Variants in PRKAR1A observed in about 807,000 individuals in gnomAD.
PRKAR1A encodes protein kinase cAMP-dependent type I regulatory subunit alpha.
Under a neutral mutation model 52.0 loss-of-function variants are expected in PRKAR1A, and 3 were observed. The ratio of observed to expected loss-of-function variants is 0.06; its 90% CI spans 0.03 to 0.15. PRKAR1A has a LOEUF of 0.15. Among genes scored for constraint, PRKAR1A ranks in the 10% least tolerant of loss-of-function variants. The pLI is 1.00. For missense variants in PRKAR1A, 240 were observed against 477.4 expected (o/e 0.50, Z 4.63); for synonymous variants, 188 against 168.4 (o/e 1.12, Z -0.90).
chr17:68,539,777 G>A (rs930223137), intron 11 of PRKAR1A: 2 of 984,496 alleles, frequency 2.0e-6, no homozygotes, highest in Non-Finnish European at 3.2e-6. Flanking sequence ...CAAGGCACGT[G>A]GTGGTGGAGG....
chr17:68,438,742 A>G, the PRKAR1A span, among the ~76,000 whole-genome samples: 2 of 152,214 alleles, frequency 1.3e-5, no homozygotes, highest in Non-Finnish European at 2.9e-5. Flanking sequence ...CTGGGATTAC[A>G]GGCGTGTGCC....
the PRKAR1A span, among the ~76,000 whole-genome samples, chr17:68,494,398 C>A: frequency 1.3e-5 from 2 of 152,064 alleles, no homozygotes; most frequent in African/African-American, 4.8e-5. Flanking sequence ...AAAAATTAGC[C>A]AGGCATGGTG....
At chr17:68,503,542 A>T in the PRKAR1A span, among the ~76,000 whole-genome samples, 16 of 150,948 alleles carry the variant, frequency 1.1e-4, no homozygotes, top group East Asian at 1.5e-3. Context: ...CAAAAAGACA[A>T]GGAGGAATCT....
the PRKAR1A span, among the ~76,000 whole-genome samples, chr17:68,451,841 T>G: frequency 2.7e-4 from 41 of 152,246 alleles, no homozygotes; most frequent in Non-Finnish European, 5.4e-4. Flanking sequence ...ATGACCCTCC[T>G]GAGCACAAAG....
the PRKAR1A span, among the ~76,000 whole-genome samples, chr17:68,439,440 A>C: frequency 6.6e-6 from 1 of 152,166 alleles, no homozygotes; most frequent in Non-Finnish European, 1.5e-5. Context: ...TCCATAATCT[A>C]ATAGAGACAG....
the PRKAR1A span, among the ~76,000 whole-genome samples, chr17:68,476,939 C>T: frequency 2.6e-5 from 4 of 151,948 alleles, no homozygotes; most frequent in Non-Finnish European, 4.4e-5. Flanking sequence ...GGATTACAGG[C>T]GTGAGCCACC....
chr17:68,480,159 TTTAAATCCTAGGG>T, the PRKAR1A span, among the ~76,000 whole-genome samples: 1 of 152,262 alleles, frequency 6.6e-6, no homozygotes, highest in South Asian at 2.1e-4. Flanking sequence ...TAGCAGTTCT[TTTAAATCCTAGGG>T]TTTTCCCCTT....
At chr17:68,521,632 A>G (rs2143253570) in intron 2 of PRKAR1A, among the ~76,000 whole-genome samples, 1 of 152,384 alleles carries the variant, frequency 6.6e-6, no homozygotes, top group South Asian at 2.1e-4. Flanking sequence ...CAGAATTAAC[A>G]TGAAATGAGT....
the PRKAR1A span, among the ~76,000 whole-genome samples, chr17:68,465,165 C>CTCGT: frequency 2.6e-5 from 4 of 152,006 alleles, no homozygotes; most frequent in Non-Finnish European, 4.4e-5. Context: ...ATCACCTGAC[C>CTCGT]TCGTGATCTG....
At chr17:68,505,246 A>G in the PRKAR1A span, among the ~76,000 whole-genome samples, 111,620 of 152,102 alleles carry the variant, frequency 0.73, 41,292 homozygotes, top group East Asian at 0.94. Flanking sequence ...AGCTAAGATC[A>G]TGCCACTGCA....
At chr17:68,426,253 G>A in the PRKAR1A span, 4 of 841,016 alleles carry the variant, frequency 4.8e-6, 1 homozygote, top group East Asian at 6.8e-5. Flanking sequence ...GGGGAGCGGG[G>A]GCTCAAATAA....
chr17:68,529,181 G>C (rs1043702604), intron 9 of PRKAR1A, among the ~76,000 whole-genome samples, 190 bp downstream of exon 9: 1 of 152,002 alleles, frequency 6.6e-6, no homozygotes, highest in Admixed American at 6.6e-5. Flanking sequence ...TTGGTTTTCT[G>C]CCAGGTCACT....
chr17:68,419,859 G>C, the PRKAR1A span, among the ~76,000 whole-genome samples: 1 of 151,820 alleles, frequency 6.6e-6, no homozygotes, highest in African/African-American at 2.4e-5. Flanking sequence ...TTGGGAGGCT[G>C]AAGTGGGAGG....
chr17:68,533,992 T>C (rs533604846), downstream of PRKAR1A, among the ~76,000 whole-genome samples: 1 of 152,354 alleles, frequency 6.6e-6, no homozygotes, highest in South Asian at 2.1e-4. Flanking sequence ...CCCAAAGTGC[T>C]AGCATTACAG....
intron 11 of PRKAR1A, among the ~76,000 whole-genome samples, chr17:68,546,168 CAAAAAAAAAAAA>C (rs750780505): frequency 4.0e-5 from 4 of 98,914 alleles, no homozygotes; most frequent in Non-Finnish European, 5.8e-5. Flanking sequence ...GACTCCATCT[CAAAAAAAAAAAA>C]AAAAAAAAAA....
chr17:68,524,261 G>T lies in PRKAR1A; in HGVS notation c.502+184G>T, dbSNP rs2085712827. 9.9e-6 allele frequency: 6 copies of T among 605,212 alleles called. No homozygotes were observed. In the South Asian group the frequency reaches 1.3e-4, roughly 13 times the overall value. The allele number at this position is 605,212 out of a possible 1,614,324, so 37.5% of individuals were successfully genotyped here. A position where few individuals can be genotyped will look rare whatever the true frequency, so the allele number is the denominator to read the frequency against. The stretch of plus-strand genomic sequence containing the variant: ...TTTTCTGAGATGGACAGAACACTTT[G>T]TATTGGGAACTAATATTTTTGATAC... On this transcript the variant is annotated intron_variant, in intron 5 of 10. Transcript: ENST00000589228.
chr17:68,537,354 C>A (rs758834078), downstream of PRKAR1A: 31 of 1,269,224 alleles, frequency 2.4e-5, no homozygotes, highest in African/African-American at 4.1e-4. This position sits in a 1 kb window ranked among gnomAD's most constrained non-coding sequence, Gnocchi z 4.2. Flanking sequence ...AGAAAATGTC[C>A]TGCTTCCTTC....
the PRKAR1A span, among the ~76,000 whole-genome samples, chr17:68,464,700 A>G: frequency 8.2e-4 from 19 of 23,058 alleles, no homozygotes; most frequent in Admixed American, 5.5e-3. Context: ...AAAAAAAAAC[A>G]AAAAAAACAA....
chr17:68,481,758 G>A, the PRKAR1A span, among the ~76,000 whole-genome samples: 1 of 152,092 alleles, frequency 6.6e-6, no homozygotes, highest in Admixed American at 6.5e-5. Flanking sequence ...TATTATTTAG[G>A]CACCCATTGT....
Sources: allele counts gnomAD v4.1 joint callset (sites outside exome capture counted in the v4.1 genomes callset), GRCh38; gene constraint gnomAD v4.1.1; non-coding constraint Gnocchi (gnomAD v3.1); transcripts MANE v1.5; gene names NCBI Gene and HGNC (gene_info 2026-07-23, HGNC 2026-07-21).